Variants in CROCC2 observed in about 807,000 individuals in gnomAD.
CROCC2 encodes the protein ciliary rootlet coiled-coil, rootletin family member 2.
Under a neutral mutation model 177.6 loss-of-function variants are expected in CROCC2, and 163 were observed. The ratio of observed to expected loss-of-function variants is 0.92; its 90% confidence interval spans 0.81 to 1.05. The LOEUF (loss-of-function observed/expected upper bound fraction) is 1.05, where lower values mean the gene tolerates loss of function less well. Among genes scored for constraint, CROCC2 ranks in the 50% least tolerant of loss-of-function variants. The pLI, the probability that CROCC2 is intolerant of heterozygous loss-of-function variation, is 0.00. For missense variants in CROCC2, 1,929 were observed against 1,797.8 expected, an observed-to-expected ratio of 1.07 and a Z score of -1.32; for synonymous variants, 904 against 787.3, an observed-to-expected ratio of 1.15 and a Z score of -2.48.
intron 13 of CROCC2, 31 bp downstream of exon 13, chr2:240,935,093 C>A: frequency 7.5e-7 from 1 of 1,324,668 alleles, no homozygotes; most frequent in Admixed American, 3.6e-5. Context: ...GCGGGCCTCG[C>A]TGGAACCTGT....
At position 240,910,320 on chromosome 2, in the gene CROCC2, G is replaced by A. The variant is rs543489005; in HGVS notation, c.78+3729G>A. On this transcript the variant is annotated intron_variant, in intron 1 of 31. Coordinates refer to ENST00000690015, the MANE Select transcript of CROCC2 (RefSeq NM_001351305.2). ...AGAAGCATGGCGCAGAGTCCCGGAC[G>A]AGGAACCCAGCACAGAAAGCCCAGT... is the stretch of plus-strand genomic sequence containing the variant. Among the ~76,000 whole-genome samples, 467 of 142,500 alleles carry A rather than the reference G, an allele frequency of 3.3e-3. 6 individuals are homozygous for A. Among genetic ancestry groups the A allele is most frequent in the Non-Finnish European group, 5.7e-3 (361 of 63,558 alleles). The allele number at this position is 142,500 out of a possible 152,430, so 93.5% of individuals were successfully genotyped here.
At chr2:240,912,153 G>A (rs2059292560) in intron 1 of CROCC2, among the ~76,000 whole-genome samples, 3 of 152,152 alleles carry the variant, frequency 2.0e-5, no homozygotes, top group Non-Finnish European at 2.9e-5. Context: ...AGGTTTATCT[G>A]TCTGTACTGT....
chr2:240,925,479 G>A (rs765882830), intron 4 of CROCC2, among the ~76,000 whole-genome samples: 28 of 152,322 alleles, frequency 1.8e-4, no homozygotes, highest in East Asian at 7.7e-4. Flanking sequence ...GGCAGATATC[G>A]CAGGGAGGCA....
chr2:240,975,794 G>A (rs987510592), intron 27 of CROCC2, among the ~76,000 whole-genome samples: 3 of 145,272 alleles, frequency 2.1e-5, no homozygotes, highest in Non-Finnish European at 4.5e-5. Context: ...CAGTGGCACG[G>A]TCTTGGTTCA....
chr2:240,967,555 A>C, intron 26 of CROCC2, 90 bp downstream of exon 26: 1 of 1,520,520 alleles, frequency 6.6e-7, no homozygotes, highest in Non-Finnish European at 8.9e-7. Context: ...ATAAGCTTTC[A>C]GTCCCTGGGG....
Position 240,934,324 on chromosome 2 carries a change from G to C in CROCC2, c.1647-7G>C. ...GCGACCTCCCGCCCTCTGGTCTGGGGCCTCAGTCAAGGCCGCCTGCAGCAG... is the reference window on the plus strand; with the variant it reads ...GCGACCTCCCGCCCTCTGGTCTGGGCCCTCAGTCAAGGCCGCCTGCAGCAG... On this transcript the variant is annotated splice_polypyrimidine_tract_variant and splice_region_variant and intron_variant, in intron 11 of 31. Coordinates refer to ENST00000690015, the MANE Select transcript of CROCC2 (RefSeq NM_001351305.2). 1 of 1,548,228 alleles carries C rather than the reference G, an allele frequency of 6.5e-7. No individual in the cohort carries two copies. Among genetic ancestry groups the C allele is most frequent in the Non-Finnish European group, 8.7e-7 (1 of 1,146,744 alleles).
In CROCC2 at chr2:240,917,293, C is replaced by T. The variant is rs965089282; in HGVS notation, c.79-1433C>T. 7.3e-6 allele frequency among the ~76,000 whole-genome samples: 1 copy of T among 136,238 alleles called. No individual in the cohort carries two copies. The highest frequency in any genetic ancestry group is 1.5e-5 in the Non-Finnish European group (1 of 67,716). The allele number at this position is 136,238 out of a possible 152,430, so 89.4% of individuals were successfully genotyped here. ...TGGGTCTGCGGTGACTCTCCAACCCCGGCGAGGGGGGCCGCGATCTTTGGG... is the reference window on the plus strand; with the variant it reads ...TGGGTCTGCGGTGACTCTCCAACCCTGGCGAGGGGGGCCGCGATCTTTGGG... On this transcript the variant is annotated intron_variant, in intron 1 of 31. Transcript: ENST00000690015. This position sits in a 1 kb window ranked among gnomAD's most constrained non-coding sequence, Gnocchi z 4.9.
rs185370922 is a variant in CROCC2, at chr2:240,911,095, T to C, written c.78+4504T>C. Among the ~76,000 whole-genome samples the C allele has an allele frequency of 5.9e-5, 9 of 152,138 alleles. No individual in the cohort carries two copies. In the East Asian group the frequency reaches 1.7e-3, roughly 29 times the overall value. ...ACAGTGAGCCAAGATCGCACCACTG[T>C]ACTCCAGCCTGGGAGACAGAGCGAG... On this transcript the variant is annotated intron_variant, in intron 1 of 31. Transcript: ENST00000690015.
intron 20 of CROCC2, among the ~76,000 whole-genome samples, chr2:240,961,331 A>G (rs1327901212): frequency 6.6e-6 from 1 of 152,182 alleles, no homozygotes; most frequent in Non-Finnish European, 1.5e-5. Context: ...CAGACACACA[A>G]GCCTCACACA....
chr2:240,919,816 A>G (rs928738264), intron 2 of CROCC2, among the ~76,000 whole-genome samples, 167 bp from the exon 3 acceptor site: 4 of 152,082 alleles, frequency 2.6e-5, no homozygotes, highest in African/African-American at 7.2e-5. Context: ...CTGCCTCCCT[A>G]TGTTAGGGTC....
intron 4 of CROCC2, 51 bp from the exon 5 acceptor site, chr2:240,925,673 T>C: frequency 1.5e-6 from 1 of 671,402 alleles, no homozygotes; most frequent in Non-Finnish European, 2.7e-6. Flanking sequence ...TGAGCGCCTC[T>C]CTTAGGAGAG....
At position 240,949,201 on chromosome 2, in the gene CROCC2, C is replaced by T; in HGVS notation, c.2482+104C>T. ...CACGTGCTGCACCCCCTCTCCGGAG[C>T]CCACAGGGGCATGAACATGAGCTTG... On this transcript the variant is annotated intron_variant, in intron 16 of 31. Coordinates refer to ENST00000690015, the MANE Select transcript of CROCC2 (RefSeq NM_001351305.2). This position sits in a 1 kb window ranked among gnomAD's most constrained non-coding sequence, Gnocchi z 4.5. The T allele has an allele frequency of 1.4e-6, 2 of 1,441,946 alleles. No homozygotes were observed. Among genetic ancestry groups the T allele is most frequent in the East Asian group, 5.0e-5 (2 of 40,104 alleles). The allele number at this position is 1,441,946 out of a possible 1,614,324, so 89.3% of individuals were successfully genotyped here.
chr2:240,972,354 G>T lies in CROCC2; in HGVS notation c.4401+4092G>T, dbSNP rs2059726842. On this transcript the variant is annotated intron_variant, in intron 27 of 31. Coordinates refer to ENST00000690015, the MANE Select transcript of CROCC2 (RefSeq NM_001351305.2). The surrounding 1 kb of genome is among the most constrained non-coding windows in gnomAD (Gnocchi z 7.1). ...AGCTGTTCTGTTCCTGAAGTGGGCG[G>T]GGTGGGAGCGGCGCTCTCCGGTGCA... is the stretch of plus-strand genomic sequence containing the variant. Among the ~76,000 whole-genome samples the T allele has an allele frequency of 6.6e-6, 1 of 152,126 alleles. No homozygotes were observed. Among genetic ancestry groups the T allele is most frequent in the Non-Finnish European group, 1.5e-5 (1 of 68,028 alleles).
intron 27 of CROCC2, chr2:240,981,564 G>T (rs1416626156): frequency 6.6e-6 from 1 of 152,152 alleles, no homozygotes; most frequent in African/African-American, 2.4e-5. Context: ...CATTACAAGA[G>T]GTTTGGGACC....
intron 5 of CROCC2, among the ~76,000 whole-genome samples, chr2:240,929,016 G>A (rs2059411493): frequency 6.6e-6 from 1 of 151,874 alleles, no homozygotes; most frequent in South Asian, 2.1e-4. Flanking sequence ...TGCATGGCCA[G>A]GTGTAATGGG....
Position 240,953,213 on chromosome 2 carries a change from C to T in CROCC2, c.2830-2646C>T, listed in dbSNP as rs2059567669. Reference sequence around the variant, plus strand: ...TCATCTGAGGTCAGGAGTTCAAGACCAGTGTGGCCAACATGGTGAAACCCC... The same window carrying T: ...TCATCTGAGGTCAGGAGTTCAAGACTAGTGTGGCCAACATGGTGAAACCCC... On this transcript the variant is annotated intron_variant, in intron 18 of 31. Transcript: ENST00000690015. This position sits in a 1 kb window ranked among gnomAD's most constrained non-coding sequence, Gnocchi z 4.0. Among the ~76,000 whole-genome samples, 1 of 151,662 alleles carries T rather than the reference C, an allele frequency of 6.6e-6. No homozygotes were observed. Among genetic ancestry groups the T allele is most frequent in the South Asian group, 2.1e-4 (1 of 4,814 alleles).
Position 240,964,540 on chromosome 2 carries a change from A to C in CROCC2, c.3380A>C (p.Glu1127Ala). ...GAGGCCCAGGCGGCGTTGCAGCAGG[A>C]GGCCAGTGCACTGCGGGCCCACCTG... ...LEEAQAALQQ[E>A]ASALRAHLWE... Residue 1127 changes from glutamate (E) to alanine (A), a missense_variant, in exon 22 of 32, where the codon GAG becomes GCG. Physicochemically the swap from Glu to Ala is moderately radical, Grantham distance 107. Around this residue, in one of 3 missense-constraint regions of CROCC2, gnomAD observed 1,397 missense variants for 1,239.9 expected, o/e 1.13. Transcript: ENST00000690015. The C allele has an allele frequency of 6.5e-7, 1 of 1,549,520 alleles. No homozygotes were observed. The highest frequency in any genetic ancestry group is 8.7e-7 in the Non-Finnish European group (1 of 1,146,888).
intron 14 of CROCC2, among the ~76,000 whole-genome samples, chr2:240,935,802 A>G (rs1197297699): frequency 6.6e-6 from 1 of 152,122 alleles, no homozygotes; most frequent in East Asian, 1.9e-4. Flanking sequence ...CCTGGCCACC[A>G]TATCCATCCC....
intron 27 of CROCC2, among the ~76,000 whole-genome samples, chr2:240,975,884 C>G (rs893307569): frequency 6.6e-6 from 1 of 151,984 alleles, no homozygotes; most frequent in Non-Finnish European, 1.5e-5. Flanking sequence ...CGCCCGCCAC[C>G]ACGCCCGGCT....
Sources: allele counts gnomAD v4.1 joint callset (sites outside exome capture counted in the v4.1 genomes callset), GRCh38; gene constraint gnomAD v4.1.1; regional missense constraint gnomAD v4.1.1; non-coding constraint Gnocchi (gnomAD v3.1); transcripts MANE v1.5; gene names NCBI Gene and HGNC (gene_info 2026-07-23, HGNC 2026-07-21).